Variants in COG4 observed in about 807,000 individuals in gnomAD.
COG4 encodes component of oligomeric golgi complex 4.
COG4 carries 65 observed loss-of-function variants against 95.1 expected under a neutral mutation model. The ratio of observed to expected loss-of-function variants is 0.68; its 90% CI spans 0.56 to 0.84. The LOEUF (loss-of-function observed/expected upper bound fraction) is 0.84. COG4 is among the 40% of genes least tolerant of loss of function. The pLI, the probability that COG4 is intolerant of heterozygous loss-of-function variation, is 0.00. For missense variants in COG4, 1,045 were observed against 989.1 expected (o/e 1.06, Z -0.76); for synonymous variants, 421 against 374.8 (o/e 1.12, Z -1.42).
chr16:70,509,269 C>T lies in COG4; in HGVS notation c.964G>A (p.Val322Ile). ...VECDRQVEKV[V>I]DKFIKQRDYH... ...TCCCTTTGCTTGATGAACTTGTCTACCACCTTCTCCACCTGTCTGTCACAT... is the reference window on the plus strand; with the variant it reads ...TCCCTTTGCTTGATGAACTTGTCTATCACCTTCTCCACCTGTCTGTCACAT... Residue 322 changes from valine (V) to isoleucine (I), a missense_variant, in exon 7 of 19, where the codon GTA (valine) becomes ATA (isoleucine). Coordinates refer to ENST00000323786, the MANE Select transcript of COG4 (RefSeq NM_015386.3). 4.3e-6 allele frequency: 7 copies of T among 1,614,204 alleles called. No individual in the cohort carries two copies. Among genetic ancestry groups the T allele is most frequent in the African/African-American group, 1.3e-5 (1 of 75,052 alleles).
rs1371830576 is a variant in COG4, at chr16:70,484,448, ACTT to A, written c.1711-482_1711-480del. 4.6e-5 allele frequency among the ~76,000 whole-genome samples: 7 copies of A among 152,074 alleles called. No individual in the cohort carries two copies. In the East Asian group the frequency reaches 7.7e-4, roughly 17 times the overall value. On this transcript the variant is annotated intron_variant, in intron 13 of 18. Coordinates refer to ENST00000323786, the MANE Select transcript of COG4 (RefSeq NM_015386.3). Reference sequence around the variant, plus strand: ...CTTTCCCCCCCTTTTATATTTATTTACTTCTTCTTAAATTTTATTTAAATTTAC... The same window carrying A: ...CTTTCCCCCCCTTTTATATTTATTTACTTCTTAAATTTTATTTAAATTTAC...
Position 70,497,218 on chromosome 16 carries a change from T to C in COG4, c.1481+3A>G, listed in dbSNP as rs2049357478. 9 of 1,613,990 alleles carry C rather than the reference T, an allele frequency of 5.6e-6. No homozygotes were observed. Among genetic ancestry groups the C allele is most frequent in the African/African-American group, 1.3e-5 (1 of 74,922 alleles). On this transcript the variant is annotated splice_donor_region_variant and intron_variant, in intron 11 of 18. Transcript: ENST00000323786. ...TAGAAAGGAGAAAGGGAGTCAACTGTACCTGAAGTCAGACTCCAGCTCTGT... is the reference window on the plus strand; with the variant it reads ...TAGAAAGGAGAAAGGGAGTCAACTGCACCTGAAGTCAGACTCCAGCTCTGT...
intron 18 of COG4, 32 bp from the exon 19 acceptor site, chr16:70,481,176 AG>A: frequency 6.2e-7 from 1 of 1,613,092 alleles, no homozygotes; most frequent in Non-Finnish European, 8.5e-7. Flanking sequence ...CCAGTCAGCA[AG>A]GTGGGGTTAT....
chr16:70,497,442 A>T, intron 10 of COG4, 55 bp from the exon 11 acceptor site: 1 of 1,567,270 alleles, frequency 6.4e-7, no homozygotes, highest in Non-Finnish European at 8.7e-7. Flanking sequence ...GTCATGTTCT[A>T]GATGATTCTG....
chr16:70,501,127 T>C (rs761043253), intron 8 of COG4, 36 bp from the exon 9 acceptor site: 3 of 1,607,600 alleles, frequency 1.9e-6, no homozygotes, highest in Non-Finnish European at 1.7e-6. Flanking sequence ...AGGACGACAA[T>C]GGATTACCTT....
intron 8 of COG4, among the ~76,000 whole-genome samples, chr16:70,508,061 C>T (rs543629426): frequency 1.1e-4 from 17 of 151,848 alleles, no homozygotes; most frequent in Admixed American, 9.8e-4. Context: ...GCTGGGACTA[C>T]AGGCACGCAC....
chr16:70,482,173 T>C lies in COG4; in HGVS notation c.1923A>G (p.Glu641=), dbSNP rs1341173840. The change falls in exon 16 of 19, where the codon GAA becomes GAG. Residue 641 remains glutamate (E), a splice_region_variant and synonymous_variant. Transcript: ENST00000323786. ...FFSVSHNIEE[E]EFNDYEANDP... ...CGTTGGCCTCATAGTCATTGAATTC[T>C]TCCTGTTGTCAGGAAGCAGGGCTGG... The C allele has an allele frequency of 3.7e-6, 6 of 1,610,398 alleles. No homozygotes were observed. Among genetic ancestry groups the C allele is most frequent in the Non-Finnish European group, 5.1e-6 (6 of 1,176,598 alleles).
intron 13 of COG4, among the ~76,000 whole-genome samples, chr16:70,488,687 A>G (rs759911851): frequency 6.6e-5 from 10 of 152,174 alleles, no homozygotes; most frequent in Non-Finnish European, 1.5e-4. Context: ...AGCTGGGATT[A>G]TGGGCACATG....
Position 70,509,925 on chromosome 16 carries a change from G to C in COG4, c.835C>G (p.Leu279Val), listed in dbSNP as rs1567390518. ...GGAGAAAGAGGCTCACCTTCAAACA[G>C]AAGAGTAAGTGTATCTGCAAAGATG... ...AVIFADTLTL[L>V]FEGIARIVET... is the part of the protein sequence containing the mutation. The change falls in exon 6 of 19, where the codon CTG (leucine) becomes GTG (valine). Residue 279 changes from leucine (L) to valine (V), a missense_variant. Transcript: ENST00000323786. 2 of 1,613,238 alleles carry C rather than the reference G, an allele frequency of 1.2e-6. No individual in the cohort carries two copies. Among genetic ancestry groups the C allele is most frequent in the Non-Finnish European group, 1.7e-6 (2 of 1,179,238 alleles).
intron 7 of COG4, chr16:70,508,848 A>C: frequency 1.9e-6 from 1 of 534,978 alleles, no homozygotes; most frequent in East Asian, 4.8e-5. Flanking sequence ...CGTTATCTTT[A>C]ACATCTTAGG....
intron 13 of COG4, among the ~76,000 whole-genome samples, chr16:70,485,777 G>C (rs938483481): frequency 2.6e-5 from 4 of 151,200 alleles, no homozygotes; most frequent in Non-Finnish European, 5.9e-5. Context: ...TAGAGATGGG[G>C]TTTCACCATG....
chr16:70,492,259 CAAAT>C (rs1439440451), intron 12 of COG4, among the ~76,000 whole-genome samples: 1 of 152,088 alleles, frequency 6.6e-6, no homozygotes, highest in Admixed American at 6.6e-5. Flanking sequence ...TTATAATAAA[CAAAT>C]AAACTAAAAA....
At chr16:70,482,638 G>A (rs2049021421) in intron 15 of COG4, 91 bp downstream of exon 15, 7 of 1,018,334 alleles carry the variant, frequency 6.9e-6, no homozygotes, top group Non-Finnish European at 1.1e-5. Flanking sequence ...AGCATGGAAG[G>A]TCTAGTCTGT....
chr16:70,523,261 C>G, intron 1 of COG4, 112 bp downstream of exon 1: 1 of 1,357,948 alleles, frequency 7.4e-7, no homozygotes, highest in Admixed American at 1.7e-5. Flanking sequence ...CTTTGTTTTC[C>G]CGCTTTTTTG....
chr16:70,481,456 C>T lies in COG4; in HGVS notation c.2138G>A (p.Arg713Lys), dbSNP rs1233668416. The stretch of plus-strand genomic sequence containing the variant: ...CGTGGTAAGGTAGGCAATGAGCGAC[C>T]TCAGCTCCTTGTCAAACTGCAGACC... ...LGGLQFDKEL[R>K]SLIAYLTTVT... The change falls in exon 18 of 19, where the codon AGG (arginine) becomes AAG (lysine). Residue 713 changes from arginine to lysine, a missense_variant. Arg to Lys is a conservative substitution (Grantham distance 26, BLOSUM62 2). Coordinates refer to ENST00000323786, the MANE Select transcript of COG4 (RefSeq NM_015386.3). The T allele has an allele frequency of 6.2e-7, 1 of 1,612,826 alleles. No individual in the cohort carries two copies. The highest frequency in any genetic ancestry group is 1.1e-5 in the South Asian group (1 of 91,076).
chr16:70,503,705 C>T (rs1029198845), intron 8 of COG4, among the ~76,000 whole-genome samples: 19 of 139,412 alleles, frequency 1.4e-4, no homozygotes, highest in Non-Finnish European at 2.5e-4. Flanking sequence ...TGCCATTCTC[C>T]TGCCTCAGCC....
chr16:70,506,752 C>A (rs2151756329), intron 8 of COG4, among the ~76,000 whole-genome samples: 1 of 151,120 alleles, frequency 6.6e-6, no homozygotes, highest in South Asian at 2.1e-4. Context: ...TGTCACTGTA[C>A]CACTTCACTC....
At chr16:70,517,842 T>C in intron 2 of COG4, 102 bp from the exon 3 acceptor site, 1 of 752,488 alleles carries the variant, frequency 1.3e-6, no homozygotes, top group South Asian at 1.4e-5. Context: ...CTTTCATACC[T>C]ACCTGTAACT....
chr16:70,508,003 C>T (rs2049614430), intron 8 of COG4, among the ~76,000 whole-genome samples: 2 of 152,090 alleles, frequency 1.3e-5, no homozygotes, highest in South Asian at 4.2e-4. Context: ...TCACTGCAAC[C>T]TCCGCCTCCT....
Sources: allele counts gnomAD v4.1 joint callset (sites outside exome capture counted in the v4.1 genomes callset), GRCh38; gene constraint gnomAD v4.1.1; transcripts MANE v1.5; gene names NCBI Gene and HGNC (gene_info 2026-07-23, HGNC 2026-07-21).